Variants in LRIG2 observed in about 807,000 individuals in gnomAD.
LRIG2 encodes leucine-rich repeats and immunoglobulin-like domains protein 2.
Under a neutral mutation model 107.8 loss-of-function variants are expected in LRIG2, and 93 were observed. That is an observed-to-expected ratio of 0.86 (90% CI 0.73 to 1.03). The LOEUF is 1.03. Among genes scored for constraint, LRIG2 ranks in the 50% least tolerant of loss-of-function variants. The probability of loss-of-function intolerance (pLI) is 0.00; values close to 1 mark genes in which losing one functional copy is unlikely to be tolerated. For missense variants in LRIG2, 1,226 were observed against 1,296.0 expected (o/e 0.95, Z 0.83); for synonymous variants, 471 against 470.6 (o/e 1.00, Z -0.01).
chr1:113,112,204 G>A (rs1252068765), intron 13 of LRIG2, among the ~76,000 whole-genome samples: 2 of 152,138 alleles, frequency 1.3e-5, no homozygotes, highest in African/African-American at 4.8e-5. Context: ...AAGGTGGGAG[G>A]ATAGCTTGAG....
rs763539521 is a variant in LRIG2, at chr1:113,096,032, G to A, written c.947+15G>A. 9 of 1,614,014 alleles carry A rather than the reference G, an allele frequency of 5.6e-6. 1 individual carries two copies. The highest frequency in any genetic ancestry group is 5.5e-5 in the South Asian group (5 of 91,086). On this transcript the variant is annotated intron_variant, in intron 7 of 17. Transcript: ENST00000361127. ...CTATCCGAACTGTAAGTGTTGGATA[G>A]CATTTCACTGGAGGCAGTTAAGACT...
At chr1:113,098,201 C>T (rs986286095) in intron 8 of LRIG2, among the ~76,000 whole-genome samples, 1 of 152,038 alleles carries the variant, frequency 6.6e-6, no homozygotes, top group African/African-American at 2.4e-5. Context: ...TTTTTGCTTC[C>T]CATGGGGCAT....
rs1655674483 is a variant in LRIG2 at position 113,130,614 on chromosome 1, T to C, written c.*6513T>C. The C allele has an allele frequency of 6.6e-6, 1 of 152,186 alleles. No homozygotes were observed. Among genetic ancestry groups the C allele is most frequent in the African/African-American group, 2.4e-5 (1 of 41,446 alleles). 9.4% of individuals were successfully genotyped at this position (152,186 alleles called of 1,614,324 possible). On this transcript the variant is annotated 3_prime_UTR_variant, in exon 18 of 18. Coordinates refer to ENST00000361127, the MANE Select transcript of LRIG2 (RefSeq NM_014813.3). The stretch of plus-strand genomic sequence containing the variant: ...TAATAGTGTTTAAGAGATTTCTTCA[T>C]TGAGATGGAATATGGGCAAGATGAC...
chr1:113,088,986 A>C (rs899353929), intron 1 of LRIG2, among the ~76,000 whole-genome samples: 13 of 152,312 alleles, frequency 8.5e-5, no homozygotes, highest in Admixed American at 3.9e-4. Context: ...ACATCTTGGA[A>C]TATTTTAGAA....
intron 11 of LRIG2, 54 bp downstream of exon 11, chr1:113,100,542 G>T: frequency 9.4e-7 from 1 of 1,063,370 alleles, no homozygotes. Context: ...CCTGCTTGTT[G>T]TGCTTAAAGT....
At chr1:113,123,792 C>A in intron 17 of LRIG2, 83 bp from the exon 18 acceptor site, 69 of 870,060 alleles carry the variant, frequency 7.9e-5, no homozygotes, top group Middle Eastern at 2.4e-4. Context: ...GAATATTGAA[C>A]ATCTTTATTT....
At chr1:113,085,136 CTG>C (rs1653491165) in intron 1 of LRIG2, among the ~76,000 whole-genome samples, 2 of 152,184 alleles carry the variant, frequency 1.3e-5, no homozygotes, top group African/African-American at 2.4e-5. Context: ...CCAAAAAAGA[CTG>C]TAATTACGTT....
intron 13 of LRIG2, among the ~76,000 whole-genome samples, chr1:113,112,134 A>G (rs1381867673): frequency 2.0e-5 from 3 of 152,080 alleles, no homozygotes; most frequent in Non-Finnish European, 4.4e-5. Context: ...TCTCAAAACC[A>G]TATTCACTCT....
intron 1 of LRIG2, among the ~76,000 whole-genome samples, chr1:113,086,259 T>C (rs1653548916): frequency 6.6e-6 from 1 of 151,772 alleles, no homozygotes. Flanking sequence ...CACGCCTCGG[T>C]CTCCCAAAGT....
chr1:113,091,261 T>C lies in LRIG2; in HGVS notation c.240-57T>C, dbSNP rs186778504. On this transcript the variant is annotated intron_variant, in intron 1 of 17. Coordinates refer to ENST00000361127, the MANE Select transcript of LRIG2 (RefSeq NM_014813.3). ...TGTATTTCTATTTAGTTTCTTTTTTTTTCTTTAGGTCTACTTTCCAGGACT... is the reference window on the plus strand; with the variant it reads ...TGTATTTCTATTTAGTTTCTTTTTTCTTCTTTAGGTCTACTTTCCAGGACT... 49 of 1,162,906 alleles carry C rather than the reference T, an allele frequency of 4.2e-5. No homozygotes were observed. In the Middle Eastern group the frequency reaches 8.1e-4, roughly 19 times the overall value. The allele number at this position is 1,162,906 out of a possible 1,614,324, so 72.0% of individuals were successfully genotyped here.
At chr1:113,084,661 T>C (rs1248671381) in intron 1 of LRIG2, among the ~76,000 whole-genome samples, 1 of 152,254 alleles carries the variant, frequency 6.6e-6, no homozygotes, top group African/African-American at 2.4e-5. Context: ...AAAGGATTAC[T>C]TGTATATTAA....
At chr1:113,119,558 A>G in intron 17 of LRIG2, 35 bp downstream of exon 17, 1 of 1,591,918 alleles carries the variant, frequency 6.3e-7, no homozygotes, top group Non-Finnish European at 8.6e-7. Flanking sequence ...TTTTGTTTTT[A>G]CTTTCGTCTA....
intron 1 of LRIG2, among the ~76,000 whole-genome samples, chr1:113,089,221 C>T (rs1307619926): frequency 1.3e-5 from 2 of 152,180 alleles, no homozygotes; most frequent in African/African-American, 4.8e-5. Context: ...TGTAATGTGT[C>T]CCTGTTGCTA....
chr1:113,124,373 G>T lies in LRIG2; in HGVS notation c.*272G>T. ...ATGTGCTTCCTGATGCTTCCATGGG[G>T]ATGTGCCCTGGTGTGCATCTGCTTG... is the stretch of plus-strand genomic sequence containing the variant. On this transcript the variant is annotated 3_prime_UTR_variant, in exon 18 of 18. Transcript: ENST00000361127. The T allele has an allele frequency of 2.0e-6, 1 of 494,830 alleles. No homozygotes were observed. The highest frequency in any genetic ancestry group is 3.7e-6 in the Non-Finnish European group (1 of 271,496). The allele number at this position is 494,830 out of a possible 1,614,324, so 30.7% of individuals were successfully genotyped here.
Position 113,130,594 on chromosome 1 carries a change from G to GTGTT in LRIG2, c.*6495_*6498dup, listed in dbSNP as rs1655673989. On this transcript the variant is annotated 3_prime_UTR_variant, in exon 18 of 18. Transcript: ENST00000361127. ...GAAGCTAAATCATCATCTGTTAATA[G>GTGTT]TGTTTAAGAGATTTCTTCATTGAGA... 6.6e-6 allele frequency: 1 copy of GTGTT among 152,176 alleles called. No homozygotes were observed. The highest frequency in any genetic ancestry group is 6.5e-5 in the Admixed American group (1 of 15,276). The allele number at this position is 152,176 out of a possible 1,614,324, so 9.4% of individuals were successfully genotyped here. A position where few individuals can be genotyped will look rare whatever the true frequency, so the allele number is the denominator to read the frequency against.
Position 113,131,619 on chromosome 1 carries a change from T to C in LRIG2, c.*7518T>C, listed in dbSNP as rs1056016306. ...TCCCCCTTTTTCTACCTTAAACTTT[T>C]TTGTTTGGAGTACAGTCTAAACCAA... On this transcript the variant is annotated 3_prime_UTR_variant, in exon 18 of 18. Transcript: ENST00000361127. 1.3e-5 allele frequency: 2 copies of C among 152,214 alleles called. No individual in the cohort carries two copies. Among genetic ancestry groups the C allele is most frequent in the Non-Finnish European group, 2.9e-5 (2 of 68,042 alleles). 9.4% of individuals were successfully genotyped at this position (152,214 alleles called of 1,614,324 possible). A position where few individuals can be genotyped will look rare whatever the true frequency, so the allele number is the denominator to read the frequency against.
At chr1:113,123,827 A>G (rs752106368) in intron 17 of LRIG2, 48 bp from the exon 18 acceptor site, 1 of 1,506,872 alleles carries the variant, frequency 6.6e-7, no homozygotes, top group Non-Finnish European at 9.2e-7. Context: ...CTAAAAGGAT[A>G]TTAAGTTTTA....
intron 1 of LRIG2, among the ~76,000 whole-genome samples, chr1:113,082,738 C>A (rs900532101): frequency 6.6e-6 from 1 of 151,928 alleles, no homozygotes; most frequent in African/African-American, 2.4e-5. Flanking sequence ...ACTGCAACCT[C>A]CACCTCCCAG....
intron 1 of LRIG2, among the ~76,000 whole-genome samples, chr1:113,087,214 A>G (rs916345489): frequency 1.3e-5 from 2 of 152,262 alleles, no homozygotes; most frequent in Non-Finnish European, 2.9e-5. Flanking sequence ...TTTTAAAAAA[A>G]AATTATGCAA....
Sources: allele counts gnomAD v4.1 joint callset (sites outside exome capture counted in the v4.1 genomes callset), GRCh38; gene constraint gnomAD v4.1.1; transcripts MANE v1.5; gene names NCBI Gene and HGNC (gene_info 2026-07-23, HGNC 2026-07-21).